The following IL34 variants were observed in gnomAD, a reference collection of about 807,000 sequenced individuals.
The protein encoded by IL34 is interleukin 34, also known as interleukin-34.
IL34 carries 17 observed loss-of-function variants against 25.3 expected under a neutral mutation model. The observed-to-expected ratio is 0.67, with a 90% CI of 0.46 to 1.01. The LOEUF (loss-of-function observed/expected upper bound fraction) is 1.01. Among genes scored for constraint, IL34 ranks in the 50% least tolerant of loss-of-function variants. The pLI is 0.00. For missense variants in IL34, 368 were observed against 312.9 expected (o/e 1.18, Z -1.33); for synonymous variants, 174 against 140.9 (o/e 1.23, Z -1.66).
chr16:70,657,333 G>A (rs902796932), intron 4 of IL34: 2 of 573,874 alleles, frequency 3.5e-6, no homozygotes, highest in African/African-American at 1.9e-5. Flanking sequence ...AGCCGGGCTC[G>A]GGGTGCAGGC....
chr16:70,622,756 A>C, intron 1 of IL34, among the ~76,000 whole-genome samples: 2 of 152,090 alleles, frequency 1.3e-5, no homozygotes, highest in Non-Finnish European at 2.9e-5. Flanking sequence ...CGGGGAGCAG[A>C]AAGTATATGC....
upstream of IL34, among the ~76,000 whole-genome samples, chr16:70,642,755 C>G (rs1212439349): frequency 6.6e-6 from 1 of 152,238 alleles, no homozygotes; most frequent in Admixed American, 6.5e-5. Context: ...ACATTCAGTT[C>G]ATAACATGCT....
intron 1 of IL34, among the ~76,000 whole-genome samples, chr16:70,580,736 A>G (rs1597730324): frequency 1.3e-5 from 2 of 150,482 alleles, no homozygotes; most frequent in South Asian, 4.3e-4. Flanking sequence ...AGCCGAGATC[A>G]CACCACTGCA....
At chr16:70,581,926 A>AAAAAAC (rs371265484) in intron 1 of IL34, among the ~76,000 whole-genome samples, 5,514 of 118,154 alleles carry the variant, frequency 0.047, 297 homozygotes, top group African/African-American at 0.13. Context: ...CTACAAAAAC[A>AAAAAAC]AAAAACAAAA....
At chr16:70,609,267 C>G (rs1330146964) in intron 1 of IL34, among the ~76,000 whole-genome samples, 1 of 151,912 alleles carries the variant, frequency 6.6e-6, no homozygotes, top group East Asian at 1.9e-4. Context: ...TTAGTAGAGA[C>G]GGGGTTTCGC....
At chr16:70,646,362 C>T (rs1225208731), upstream of IL34, among the ~76,000 whole-genome samples, 2 of 152,166 alleles carry the variant, frequency 1.3e-5, no homozygotes, top group Admixed American at 6.5e-5. Context: ...CAGCTGGTGT[C>T]ATCATAACTC....
upstream of IL34, among the ~76,000 whole-genome samples, chr16:70,641,849 T>C (rs1367391344): frequency 6.6e-6 from 1 of 152,102 alleles, no homozygotes; most frequent in Non-Finnish European, 1.5e-5. Context: ...ATTATAGGCA[T>C]GAGCCACTGC....
At chr16:70,650,869 C>T (rs932430924) in intron 1 of IL34, among the ~76,000 whole-genome samples, 4 of 152,174 alleles carry the variant, frequency 2.6e-5, no homozygotes, top group Non-Finnish European at 1.5e-5. Context: ...TGAGGCGAAT[C>T]CCCAAATGCA....
chr16:70,635,876 C>G (rs1302243202), intron 1 of IL34, among the ~76,000 whole-genome samples: 1 of 152,100 alleles, frequency 6.6e-6, no homozygotes, highest in Non-Finnish European at 1.5e-5. Context: ...ATATAGAAAT[C>G]CAGTAAATCC....
intron 1 of IL34, among the ~76,000 whole-genome samples, chr16:70,652,289 C>T (rs1013806058): frequency 5.9e-5 from 9 of 151,592 alleles, no homozygotes; most frequent in African/African-American, 2.2e-4. Context: ...GACCTCCTCT[C>T]TACAAAAAAT....
intron 1 of IL34, among the ~76,000 whole-genome samples, chr16:70,589,866 G>A (rs1022597427): frequency 1.3e-5 from 2 of 152,066 alleles, no homozygotes; most frequent in South Asian, 2.1e-4. Flanking sequence ...CAAATGATCC[G>A]CCTGCCTCGG....
chr16:70,648,282 C>G (rs2051990780), intron 1 of IL34, among the ~76,000 whole-genome samples: 1 of 152,124 alleles, frequency 6.6e-6, no homozygotes, highest in South Asian at 2.1e-4. Flanking sequence ...GGATGCTGGG[C>G]TGGTGGCTCA....
chr16:70,629,254 G>C (rs1476567625), intron 1 of IL34, among the ~76,000 whole-genome samples: 1 of 152,156 alleles, frequency 6.6e-6, no homozygotes, highest in Non-Finnish European at 1.5e-5. Context: ...GAGCATACTT[G>C]TATTGCTTCT....
At chr16:70,633,964 C>G (rs766367942) in intron 1 of IL34, among the ~76,000 whole-genome samples, 1 of 152,030 alleles carries the variant, frequency 6.6e-6, no homozygotes, top group Non-Finnish European at 1.5e-5. Context: ...GATTCTGCTG[C>G]CTCAGCCTCC....
At chr16:70,658,493 GT>G (rs963974137) in intron 4 of IL34, among the ~76,000 whole-genome samples, 3 of 150,924 alleles carry the variant, frequency 2.0e-5, no homozygotes, top group Admixed American at 6.6e-5. Flanking sequence ...GGCTTTTTTT[GT>G]TTTTTTGAGG....
intron 1 of IL34, among the ~76,000 whole-genome samples, chr16:70,638,693 G>A (rs772360548): frequency 7.9e-5 from 12 of 151,978 alleles, no homozygotes; most frequent in African/African-American, 1.7e-4. Flanking sequence ...GACCTCCCGG[G>A]GTCAAGCCTC....
upstream of IL34, among the ~76,000 whole-genome samples, chr16:70,642,212 C>T (rs143825612): frequency 2.8e-3 from 418 of 151,910 alleles, 3 homozygotes; most frequent in African/African-American, 9.6e-3. Flanking sequence ...CTCACATGAC[C>T]AGTTCTTTGT....
chr16:70,608,724 G>A (rs1282431764), intron 1 of IL34, among the ~76,000 whole-genome samples: 1 of 152,268 alleles, frequency 6.6e-6, no homozygotes, highest in Non-Finnish European at 1.5e-5. Context: ...AGCAGGTTCA[G>A]GTGGGGCAGG....
chr16:70,621,771 ACAGT>A (rs948066767), intron 1 of IL34, among the ~76,000 whole-genome samples: 17 of 152,196 alleles, frequency 1.1e-4, no homozygotes, highest in East Asian at 7.7e-4. Context: ...AAGGAAAATT[ACAGT>A]CAAAGAGGGT....
Sources: allele counts gnomAD v4.1 joint callset (sites outside exome capture counted in the v4.1 genomes callset), GRCh38; gene constraint gnomAD v4.1.1; transcripts MANE v1.5; gene names NCBI Gene and HGNC (gene_info 2026-07-23, HGNC 2026-07-21).